CUL5: variants seen among roughly 807,000 people sequenced by gnomAD.
The protein encoded by CUL5 is cullin 5, also known as cullin-5.
CUL5 carries 26 observed loss-of-function variants against 108.8 expected under a neutral mutation model. The observed-to-expected ratio is 0.24, with a 90% CI of 0.18 to 0.33. The LOEUF (loss-of-function observed/expected upper bound fraction) is 0.33. Ranked by LOEUF, CUL5 falls within the 10% of genes least tolerant of loss-of-function variation. The probability of loss-of-function intolerance (pLI) is 1.00; values close to 1 mark genes in which losing one functional copy is unlikely to be tolerated. For synonymous variants in CUL5, 334 were observed against 298.0 expected (o/e 1.12, Z -1.25); for missense variants, 524 against 909.2 (o/e 0.58, Z 5.45).
At chr11:108,089,140 G>C (rs1296138929) in intron 12 of CUL5, among the ~76,000 whole-genome samples, 2 of 152,114 alleles carry the variant, frequency 1.3e-5, no homozygotes, top group African/African-American at 2.4e-5. Context: ...AGACAGAAAG[G>C]CCGAGAGAGA....
chr11:108,048,777 C>T (rs985827241), intron 3 of CUL5, among the ~76,000 whole-genome samples: 16 of 151,144 alleles, frequency 1.1e-4, no homozygotes, highest in Non-Finnish European at 1.9e-4. Flanking sequence ...AGCGATTCTC[C>T]TGCCTCAGCC....
chr11:108,016,095 T>C (rs1016285197), intron 1 of CUL5, among the ~76,000 whole-genome samples: 1 of 152,058 alleles, frequency 6.6e-6, no homozygotes, highest in Non-Finnish European at 1.5e-5. Flanking sequence ...GGCTAATTTT[T>C]TATAGAGATG....
chr11:108,070,078 A>C lies in CUL5; in HGVS notation c.781-18A>C. ...ATACAGCTTATAGTAGCCTTGACTA[A>C]TTTTTGATATATTTCAGCTCATGGA... On this transcript the variant is annotated intron_variant, in intron 7 of 18. Transcript: ENST00000393094. 1 of 1,571,192 alleles carries C rather than the reference A, an allele frequency of 6.4e-7. No homozygotes were observed. Among genetic ancestry groups the C allele is most frequent in the Non-Finnish European group, 8.7e-7 (1 of 1,144,052 alleles).
At chr11:108,080,039 A>T (rs373525643) in intron 11 of CUL5, among the ~76,000 whole-genome samples, 1 of 150,498 alleles carries the variant, frequency 6.6e-6, no homozygotes, top group Admixed American at 6.6e-5. Flanking sequence ...GTCATTTGGG[A>T]TGTATGTAGT....
chr11:108,057,393 A>G (rs1863410428), intron 7 of CUL5, among the ~76,000 whole-genome samples: 1 of 152,132 alleles, frequency 6.6e-6, no homozygotes, highest in Non-Finnish European at 1.5e-5. Context: ...TCCCCAAGAT[A>G]TTTACTAAAG....
intron 2 of CUL5, among the ~76,000 whole-genome samples, chr11:108,038,485 C>A (rs12788061): frequency 6.6e-6 from 1 of 151,854 alleles, no homozygotes; most frequent in Non-Finnish European, 1.5e-5. Flanking sequence ...GTCAGGAGTT[C>A]GAGACCAGCC....
At chr11:108,087,141 A>G (rs1864238606) in intron 11 of CUL5, among the ~76,000 whole-genome samples, 1 of 152,182 alleles carries the variant, frequency 6.6e-6, no homozygotes, top group African/African-American at 2.4e-5. Context: ...TTCTAGTCTC[A>G]TCTACTTATT....
At chr11:108,010,673 T>C (rs1253884328) in intron 1 of CUL5, among the ~76,000 whole-genome samples, 1 of 152,222 alleles carries the variant, frequency 6.6e-6, no homozygotes, top group East Asian at 1.9e-4. Context: ...TTAATTAGTA[T>C]AATACAATAA....
At chr11:108,060,868 T>C (rs1863516027) in intron 7 of CUL5, among the ~76,000 whole-genome samples, 1 of 152,118 alleles carries the variant, frequency 6.6e-6, no homozygotes, top group South Asian at 2.1e-4. Flanking sequence ...TCTCGTAGCC[T>C]ACCTGTCTCA....
rs141695840 is a variant in CUL5, at chr11:108,068,533, C to T, written c.781-1563C>T. Among the ~76,000 whole-genome samples the T allele has an allele frequency of 3.5e-3, 537 of 152,114 alleles. 5 individuals carry two copies. Among genetic ancestry groups the T allele is most frequent in the African/African-American group, 0.012 (514 of 41,486 alleles). Reference sequence around the variant, plus strand: ...GAACAGTATAATGAATCCCCATTACCTAAATTCAGCTTTAGTAGTTACCAA... The same window carrying T: ...GAACAGTATAATGAATCCCCATTACTTAAATTCAGCTTTAGTAGTTACCAA... On this transcript the variant is annotated intron_variant, in intron 7 of 18. Coordinates refer to ENST00000393094, the MANE Select transcript of CUL5 (RefSeq NM_003478.6).
rs1015479360 is a variant in CUL5, at chr11:108,049,925, A to G, written c.270A>G (p.Leu90=). The G allele has an allele frequency of 1.2e-6, 2 of 1,613,548 alleles. No individual in the cohort carries two copies. The highest frequency in any genetic ancestry group is 3.3e-5 in the Admixed American group (2 of 59,918). ...GCCATCAAGATGATACGGCTTTGCT[A>G]AAAGCATATATTGTTGAATGGCGAA... ...VLSHQDDTAL[L]KAYIVEWRKF... Residue 90 remains leucine, a synonymous_variant, in exon 4 of 19, where the codon CTA becomes CTG. Coordinates refer to ENST00000393094, the MANE Select transcript of CUL5 (RefSeq NM_003478.6).
At chr11:108,057,842 T>C (rs1863425191) in intron 7 of CUL5, among the ~76,000 whole-genome samples, 1 of 152,216 alleles carries the variant, frequency 6.6e-6, no homozygotes, top group Non-Finnish European at 1.5e-5. Flanking sequence ...TTATGTAAGA[T>C]GTTAATGTTG....
Position 108,097,685 on chromosome 11 carries a change from C to T in CUL5, c.1955C>T (p.Pro652Leu). 2 of 1,613,684 alleles carry T rather than the reference C, an allele frequency of 1.2e-6. No homozygotes were observed. The highest frequency in any genetic ancestry group is 1.7e-6 in the Non-Finnish European group (2 of 1,179,752). Reference sequence around the variant, plus strand: ...AAACGGCAAGTTTTGTTGTATGAACCTCAAGTCAACTCACCCAAAGACTTT... The same window carrying T: ...AAACGGCAAGTTTTGTTGTATGAACTTCAAGTCAACTCACCCAAAGACTTT... ...KLKRQVLLYEPQVNSPKDFTE... is the reference protein window; with the variant it reads ...KLKRQVLLYELQVNSPKDFTE... Residue 652 changes from proline to leucine, a missense_variant, in exon 17 of 19, where the codon CCT (proline) becomes CTT (leucine). Transcript: ENST00000393094.
chr11:108,092,230 G>A (rs1864380214), intron 13 of CUL5, among the ~76,000 whole-genome samples: 1 of 152,192 alleles, frequency 6.6e-6, no homozygotes, highest in Non-Finnish European at 1.5e-5. Flanking sequence ...AGGAAGAGGA[G>A]AAATTGGAAC....
intron 8 of CUL5, among the ~76,000 whole-genome samples, chr11:108,071,808 C>T (rs1863830631): frequency 6.6e-6 from 1 of 152,280 alleles, no homozygotes; most frequent in African/African-American, 2.4e-5. Flanking sequence ...CCCACCTTGG[C>T]CTCCCAAAGT....
chr11:108,104,770 A>C lies in CUL5; in HGVS notation c.*386A>C, dbSNP rs1308091475. 1 of 155,470 alleles carries C rather than the reference A, an allele frequency of 6.4e-6. No homozygotes were observed. The highest frequency in any genetic ancestry group is 1.4e-5 in the Non-Finnish European group (1 of 70,106). 9.6% of individuals were successfully genotyped at this position (155,470 alleles called of 1,614,324 possible). A position where few individuals can be genotyped will look rare whatever the true frequency, so the allele number is the denominator to read the frequency against. ...TACTTGCACAAGGAAGGATCTTCAG[A>C]TATTCATGCACTGAAAAATGCTGTT... On this transcript the variant is annotated 3_prime_UTR_variant, in exon 19 of 19. Coordinates refer to ENST00000393094, the MANE Select transcript of CUL5 (RefSeq NM_003478.6).
chr11:108,069,491 A>G (rs1863769427), intron 7 of CUL5, among the ~76,000 whole-genome samples: 1 of 152,046 alleles, frequency 6.6e-6, no homozygotes, highest in Admixed American at 6.5e-5. Context: ...TTAGATACCA[A>G]CTTGTGGATG....
Position 108,009,225 on chromosome 11 carries a change from C to T in CUL5, c.-124C>T, listed in dbSNP as rs955072153. On this transcript the variant is annotated 5_prime_UTR_variant, in exon 1 of 19. Transcript: ENST00000393094. ...CGCTGTCGGCGCGCTGCTCCAGCGC[C>T]CACCACACCCTGGTGCGGGCCGACG... The T allele has an allele frequency of 1.0e-6, 1 of 999,086 alleles. No homozygotes were observed. The highest frequency in any genetic ancestry group is 1.6e-5 in the African/African-American group (1 of 62,194). The allele number at this position is 999,086 out of a possible 1,614,324, so 61.9% of individuals were successfully genotyped here.
chr11:108,097,999 C>G (rs1251539885), intron 17 of CUL5, among the ~76,000 whole-genome samples: 1 of 152,026 alleles, frequency 6.6e-6, no homozygotes, highest in Non-Finnish European at 1.5e-5. Context: ...AGGTTGATAT[C>G]TTTTTGTGCT....
Sources: allele counts gnomAD v4.1 joint callset (sites outside exome capture counted in the v4.1 genomes callset), GRCh38; gene constraint gnomAD v4.1.1; transcripts MANE v1.5; gene names NCBI Gene and HGNC (gene_info 2026-07-23, HGNC 2026-07-21).